The following NEK1 variants were observed in gnomAD, a reference collection of about 807,000 sequenced individuals.
NEK1 encodes the protein NIMA related kinase 1.
In NEK1, 137 loss-of-function variants were observed where a neutral mutation model predicts 182.1. The observed-to-expected ratio is 0.75, with a 90% CI of 0.65 to 0.87. The LOEUF (loss-of-function observed/expected upper bound fraction) is 0.87. Ranked by LOEUF, NEK1 falls within the 40% of genes least tolerant of loss-of-function variation. The probability of loss-of-function intolerance (pLI) is 0.00; values close to 1 mark genes in which losing one functional copy is unlikely to be tolerated. For missense variants in NEK1, 1,391 were observed against 1,494.4 expected (o/e 0.93, Z 1.14); for synonymous variants, 513 against 492.2 (o/e 1.04, Z -0.56).
chr4:169,462,593 T>TA (rs758597774), intron 27 of NEK1, among the ~76,000 whole-genome samples: 22 of 151,990 alleles, frequency 1.4e-4, no homozygotes, highest in Non-Finnish European at 2.9e-4. Context: ...AGAAGCTTTT[T>TA]AAGGGGAGAC....
intron 5 of NEK1, among the ~76,000 whole-genome samples, chr4:169,594,776 T>C (rs1026269915): frequency 3.3e-5 from 5 of 152,216 alleles, no homozygotes; most frequent in African/African-American, 1.2e-4. Flanking sequence ...ATGCTCAGTC[T>C]TTCCTAGGTT....
chr4:169,585,149 A>T (rs1767323751), intron 10 of NEK1, among the ~76,000 whole-genome samples, 200 bp downstream of exon 10: 1 of 152,166 alleles, frequency 6.6e-6, no homozygotes, highest in Non-Finnish European at 1.5e-5. Flanking sequence ...TGATTTTGCC[A>T]TTGTACTCCA....
rs1194634192 is a variant in NEK1 at position 169,580,806 on chromosome 4, A to C, written c.868+36T>G. Reference sequence around the variant, plus strand: ...CAGTTTAATTAGGGTTGATTATTGCAAACAGATGAAAGGCTTCATATCAGA... The same window carrying C: ...CAGTTTAATTAGGGTTGATTATTGCCAACAGATGAAAGGCTTCATATCAGA... On this transcript the variant is annotated intron_variant, in intron 11 of 35. Coordinates refer to ENST00000507142, the MANE Select transcript of NEK1 (RefSeq NM_001199397.3). The C allele has an allele frequency of 3.9e-6, 5 of 1,296,948 alleles. No individual in the cohort carries two copies. The South Asian group carries it at 6.4e-5, about 17-fold the overall frequency. 80.3% of individuals were successfully genotyped at this position (1,296,948 alleles called of 1,614,324 possible).
intron 27 of NEK1, among the ~76,000 whole-genome samples, chr4:169,442,897 G>T (rs1199886756): frequency 2.6e-5 from 4 of 151,676 alleles, no homozygotes; most frequent in Non-Finnish European, 5.9e-5. Context: ...AGTAAGTCAG[G>T]TGTGGTGGCA....
At chr4:169,574,356 GAGGCCA>G (rs1250065638) in intron 12 of NEK1, among the ~76,000 whole-genome samples, 12 of 152,178 alleles carry the variant, frequency 7.9e-5, no homozygotes, top group Non-Finnish European at 1.2e-4. Flanking sequence ...AGCGCTTTGG[GAGGCCA>G]AGGCGGGCGG....
intron 26 of NEK1, among the ~76,000 whole-genome samples, chr4:169,470,584 C>T (rs1036748259): frequency 3.9e-5 from 6 of 152,108 alleles, no homozygotes; most frequent in South Asian, 4.1e-4. Flanking sequence ...GGGAATCTGA[C>T]GATTATGTGT....
At chr4:169,438,307 A>G in intron 27 of NEK1, 48 bp from the exon 28 acceptor site, 1 of 1,426,272 alleles carries the variant, frequency 7.0e-7, no homozygotes, top group Non-Finnish European at 9.4e-7. Context: ...AAAATGATGC[A>G]TTTTATCTGT....
chr4:169,515,551 T>C (rs1282808673), intron 19 of NEK1, among the ~76,000 whole-genome samples: 1 of 147,884 alleles, frequency 6.8e-6, no homozygotes. Flanking sequence ...GTGCACATTG[T>C]GCAGGTTAGT....
At chr4:169,432,148 T>A (rs1554030316) in intron 29 of NEK1, among the ~76,000 whole-genome samples, 1 of 152,174 alleles carries the variant, frequency 6.6e-6, no homozygotes, top group Non-Finnish European at 1.5e-5. Flanking sequence ...AAAGATGTGC[T>A]TACCTTTACC....
chr4:169,469,996 CG>C (rs1337241900), intron 26 of NEK1, among the ~76,000 whole-genome samples: 1 of 144,070 alleles, frequency 6.9e-6, no homozygotes, highest in Non-Finnish European at 1.5e-5. Flanking sequence ...ATTCCTCCAT[CG>C]CTTTATTTTG....
intron 19 of NEK1, among the ~76,000 whole-genome samples, chr4:169,513,695 G>A (rs1164875771): frequency 6.6e-6 from 1 of 152,118 alleles, no homozygotes; most frequent in Non-Finnish European, 1.5e-5. Flanking sequence ...TAGATGCAGG[G>A]TTTTTGCAGA....
intron 27 of NEK1, among the ~76,000 whole-genome samples, 184 bp downstream of exon 27, chr4:169,463,059 A>C (rs958187895): frequency 2.0e-5 from 3 of 152,104 alleles, no homozygotes; most frequent in Admixed American, 6.6e-5. Context: ...ATCAGGTCAA[A>C]ACTCAAGACT....
intron 19 of NEK1, among the ~76,000 whole-genome samples, chr4:169,513,327 T>C (rs916191587): frequency 2.6e-5 from 4 of 152,190 alleles, no homozygotes; most frequent in African/African-American, 9.6e-5. Flanking sequence ...CTTTTTCACA[T>C]TCTTTGGAAC....
chr4:169,484,180 C>G (rs1044373677), intron 23 of NEK1, among the ~76,000 whole-genome samples: 1 of 152,152 alleles, frequency 6.6e-6, no homozygotes, highest in Non-Finnish European at 1.5e-5. Flanking sequence ...CTACCACATA[C>G]TAGGATTACA....
intron 25 of NEK1, 26 bp from the exon 26 acceptor site, chr4:169,477,378 T>C (rs770274251): frequency 6.5e-7 from 1 of 1,548,682 alleles, no homozygotes; most frequent in Non-Finnish European, 8.8e-7. Flanking sequence ...TTATATATTT[T>C]AATATGTATA....
chr4:169,507,340 G>A (rs1232053821), intron 22 of NEK1, among the ~76,000 whole-genome samples: 1 of 151,822 alleles, frequency 6.6e-6, no homozygotes, highest in Admixed American at 6.6e-5. Context: ...ATAAATATTT[G>A]CTGAGTGAAA....
At chr4:169,603,933 T>G (rs1293511119) in intron 2 of NEK1, among the ~76,000 whole-genome samples, 1 of 152,170 alleles carries the variant, frequency 6.6e-6, no homozygotes, top group Non-Finnish European at 1.5e-5. Flanking sequence ...ACTCCTGACC[T>G]CAGGTGATCT....
intron 28 of NEK1, among the ~76,000 whole-genome samples, chr4:169,437,051 G>A (rs1738545769): frequency 6.6e-6 from 1 of 152,154 alleles, no homozygotes; most frequent in Non-Finnish European, 1.5e-5. Context: ...GAGCCCTTGA[G>A]CACACCAAGC....
At chr4:169,431,828 TAGAA>T (rs1737500904) in intron 29 of NEK1, among the ~76,000 whole-genome samples, 1 of 151,446 alleles carries the variant, frequency 6.6e-6, no homozygotes. Flanking sequence ...TTGGTAATCT[TAGAA>T]AGAACAAGGC....
Sources: gnomAD v4.1 joint callset for allele counts (sites outside exome capture counted in the v4.1 genomes callset) on GRCh38, gnomAD v4.1.1 for gene constraint, MANE v1.5 for transcripts, NCBI Gene and HGNC (gene_info 2026-07-23, HGNC 2026-07-21) for gene names.